The following UBE2E2 variants were observed in gnomAD, a reference collection of about 807,000 sequenced individuals.
The protein encoded by UBE2E2 is ubiquitin conjugating enzyme E2 E2, also known as ubiquitin-conjugating enzyme E2 E2.
UBE2E2 carries 6 observed loss-of-function variants against 24.7 expected under a neutral mutation model. The ratio of observed to expected loss-of-function variants is 0.24; its 90% confidence interval spans 0.13 to 0.48. UBE2E2 has a LOEUF of 0.48. Among genes scored for constraint, UBE2E2 ranks in the 20% least tolerant of loss-of-function variants. UBE2E2 has a pLI of 0.99. For synonymous variants in UBE2E2, 104 were observed against 83.6 expected, an observed-to-expected ratio of 1.24 and a Z score of -1.33; for missense variants, 169 against 245.0, an observed-to-expected ratio of 0.69 and a Z score of 2.07.
intron 4 of UBE2E2, among the ~76,000 whole-genome samples, chr3:23,531,865 C>A (rs529301213): frequency 6.6e-6 from 1 of 152,068 alleles, no homozygotes; most frequent in Admixed American, 6.5e-5. Context: ...AGTTCAAGAC[C>A]AGCCTGGCCA....
chr3:23,276,504 A>G (rs1039222474), intron 3 of UBE2E2, among the ~76,000 whole-genome samples: 4 of 152,240 alleles, frequency 2.6e-5, no homozygotes, highest in South Asian at 2.1e-4. Flanking sequence ...AAAGCTAGAA[A>G]GTTTGTAAAA....
chr3:23,520,946 G>GT (rs201561009), intron 4 of UBE2E2, among the ~76,000 whole-genome samples: 240 of 151,406 alleles, frequency 1.6e-3, no homozygotes, highest in South Asian at 6.3e-3. Flanking sequence ...CCCAGCTCAT[G>GT]TTTTTTTTTA....
At chr3:23,512,039 A>G (rs1351005064) in intron 4 of UBE2E2, among the ~76,000 whole-genome samples, 1 of 152,088 alleles carries the variant, frequency 6.6e-6, no homozygotes, top group Admixed American at 6.5e-5. Context: ...CACATAGCTA[A>G]TAAGGCCAGG....
chr3:23,251,038 T>C (rs936573117), intron 3 of UBE2E2, among the ~76,000 whole-genome samples: 2 of 152,114 alleles, frequency 1.3e-5, no homozygotes, highest in African/African-American at 4.8e-5. Context: ...AAAAGATTAT[T>C]TGTAAAGACA....
At chr3:23,509,246 C>G (rs1050073060) in intron 4 of UBE2E2, among the ~76,000 whole-genome samples, 4 of 152,160 alleles carry the variant, frequency 2.6e-5, no homozygotes, top group Non-Finnish European at 5.9e-5. Flanking sequence ...TGGCATTTTC[C>G]TAACCTTACA....
chr3:23,546,460 ATTTTTTTT>A (rs899923576), intron 5 of UBE2E2, among the ~76,000 whole-genome samples: 1 of 76,898 alleles, frequency 1.3e-5, no homozygotes, highest in African/African-American at 5.7e-5. Flanking sequence ...GAACATTTAG[ATTTTTTTT>A]TTTTTTTTTT....
At chr3:23,480,020 C>G (rs1699224061) in intron 3 of UBE2E2, among the ~76,000 whole-genome samples, 1 of 152,204 alleles carries the variant, frequency 6.6e-6, no homozygotes, top group Non-Finnish European at 1.5e-5. Context: ...AGGCCATCCC[C>G]AGCCTGAAGG....
chr3:23,299,916 T>TCG (rs1699023689), intron 3 of UBE2E2, among the ~76,000 whole-genome samples: 1 of 152,092 alleles, frequency 6.6e-6, no homozygotes, highest in Admixed American at 6.5e-5. Context: ...TGTGTGGGAG[T>TCG]CTAAGTCTCT....
intron 4 of UBE2E2, among the ~76,000 whole-genome samples, chr3:23,522,960 C>T (rs1452564862): frequency 6.6e-6 from 1 of 150,950 alleles, no homozygotes; most frequent in African/African-American, 2.4e-5. Flanking sequence ...ATACAATCTA[C>T]CATTAAGGAG....
chr3:23,430,763 C>G (rs190425477), intron 3 of UBE2E2, among the ~76,000 whole-genome samples: 8 of 152,240 alleles, frequency 5.3e-5, no homozygotes, highest in Admixed American at 4.6e-4. Flanking sequence ...TCAAGGAATC[C>G]TCCTACCTCA....
At chr3:23,355,770 C>T (rs1695927458) in intron 3 of UBE2E2, among the ~76,000 whole-genome samples, 1 of 152,164 alleles carries the variant, frequency 6.6e-6, no homozygotes, top group Non-Finnish European at 1.5e-5. Context: ...TACTGTCATT[C>T]CTCCTTTTTC....
At chr3:23,512,054 G>A (rs1031600347) in intron 4 of UBE2E2, among the ~76,000 whole-genome samples, 1 of 152,006 alleles carries the variant, frequency 6.6e-6, no homozygotes, top group Non-Finnish European at 1.5e-5. Context: ...GCCAGGGTCA[G>A]GATTAGAACT....
chr3:23,581,717 T>C (rs916672148), intron 5 of UBE2E2, among the ~76,000 whole-genome samples: 4 of 152,206 alleles, frequency 2.6e-5, no homozygotes, highest in Admixed American at 2.0e-4. Context: ...TTCTTCAAGA[T>C]GTGTATGTTT....
At position 23,444,756 on chromosome 3, in the gene UBE2E2, G is replaced by A. The variant is rs556910195; in HGVS notation, c.228-54852G>A. On this transcript the variant is annotated intron_variant, in intron 3 of 5. Transcript: ENST00000396703. ...GCCAGCTGTTATTTGTGAATGGAGT[G>A]TACGGTAAAGCAAATGGATTCTAAG... Among the ~76,000 whole-genome samples, 122 of 152,178 alleles carry A rather than the reference G, an allele frequency of 8.0e-4. 1 individual carries two copies. The highest frequency in any genetic ancestry group is 1.6e-3 in the Non-Finnish European group (106 of 68,042).
intron 4 of UBE2E2, among the ~76,000 whole-genome samples, chr3:23,521,344 A>T (rs1267656532): frequency 2.0e-5 from 3 of 152,196 alleles, no homozygotes; most frequent in Non-Finnish European, 4.4e-5. Flanking sequence ...TCAGTCATTT[A>T]TTACATGCTT....
At chr3:23,252,182 C>G (rs1166371205) in intron 3 of UBE2E2, among the ~76,000 whole-genome samples, 1 of 152,132 alleles carries the variant, frequency 6.6e-6, no homozygotes, top group Non-Finnish European at 1.5e-5. Flanking sequence ...TGTATACATA[C>G]ATATTTTCCT....
At chr3:23,356,529 G>C (rs182599637) in intron 3 of UBE2E2, among the ~76,000 whole-genome samples, 39 of 152,198 alleles carry the variant, frequency 2.6e-4, no homozygotes, top group Admixed American at 2.2e-3. Flanking sequence ...AACTTATCCC[G>C]AATTTATTTT....
At chr3:23,417,521 T>C (rs141804327) in intron 3 of UBE2E2, among the ~76,000 whole-genome samples, 4,378 of 152,210 alleles carry the variant, frequency 0.029, 108 homozygotes, top group East Asian at 0.13. Flanking sequence ...TCAGGAGGCA[T>C]GGGGGTTGGG....
At position 23,307,036 on chromosome 3, in the gene UBE2E2, A is replaced by G. The variant is rs59226844; in HGVS notation, c.227+89724A>G. Reference sequence around the variant, plus strand: ...TATTATAGACTTTATAATACAAAAAAGCAACAGACAAGCTGATATTTTTGG... The same window carrying G: ...TATTATAGACTTTATAATACAAAAAGGCAACAGACAAGCTGATATTTTTGG... On this transcript the variant is annotated intron_variant, in intron 3 of 5. Transcript: ENST00000396703. Among the ~76,000 whole-genome samples the G allele has an allele frequency of 5.8e-4, 88 of 152,330 alleles. 3 individuals carry two copies. The East Asian group carries it at 0.016, about 27-fold the overall frequency.
Sources: gnomAD v4.1 joint callset for allele counts (sites outside exome capture counted in the v4.1 genomes callset) on GRCh38, gnomAD v4.1.1 for gene constraint, MANE v1.5 for transcripts, NCBI Gene and HGNC (gene_info 2026-07-23, HGNC 2026-07-21) for gene names.